KLRG1: variants seen among roughly 807,000 people sequenced by gnomAD.
The protein encoded by KLRG1 is killer cell lectin like receptor G1, also known as killer cell lectin-like receptor subfamily G member 1.
In KLRG1, 16 loss-of-function variants were observed where a neutral mutation model predicts 21.8. The observed-to-expected ratio is 0.73, with a 90% CI of 0.50 to 1.11. The LOEUF is 1.11. Among genes scored for constraint, KLRG1 ranks in the 50% most tolerant of loss-of-function variants. The pLI is 0.00. For synonymous variants in KLRG1, 69 were observed against 75.9 expected, an observed-to-expected ratio of 0.91 and a Z score of 0.47; for missense variants, 173 against 218.3, an observed-to-expected ratio of 0.79 and a Z score of 1.31.
chr12:9,031,625 A>G, the KLRG1 span, among the ~76,000 whole-genome samples: 30 of 152,302 alleles, frequency 2.0e-4, no homozygotes, highest in African/African-American at 6.5e-4. Flanking sequence ...ATGAGTGACC[A>G]TGGCCCACGA....
intron 2 of KLRG1, among the ~76,000 whole-genome samples, chr12:8,993,755 T>C: frequency 6.6e-6 from 1 of 152,218 alleles, no homozygotes; most frequent in Non-Finnish European, 1.5e-5. Flanking sequence ...TTTAACAGCT[T>C]GATCTCCAGA....
chr12:8,965,282 A>C (rs987521268), intron 1 of KLRG1, among the ~76,000 whole-genome samples: 2 of 152,230 alleles, frequency 1.3e-5, no homozygotes, highest in Non-Finnish European at 2.9e-5. Flanking sequence ...GGCACAAGAC[A>C]GGGATGCCCT....
At chr12:9,200,821 C>T in the KLRG1 span, 1 of 1,472,806 alleles carries the variant, frequency 6.8e-7, no homozygotes, top group Non-Finnish European at 9.2e-7. Context: ...ACAGGAAATT[C>T]AAAGGATCTA....
chr12:9,175,361 T>A, the KLRG1 span, among the ~76,000 whole-genome samples: 1 of 152,024 alleles, frequency 6.6e-6, no homozygotes, highest in Non-Finnish European at 1.5e-5. Context: ...TAAAGACCCT[T>A]GAAGAAAATC....
chr12:8,981,822 A>G (rs1194056948), intron 1 of KLRG1, among the ~76,000 whole-genome samples: 1 of 152,186 alleles, frequency 6.6e-6, no homozygotes, highest in Non-Finnish European at 1.5e-5. Context: ...AGTTACTGAG[A>G]AAAGGTTTTT....
At chr12:9,168,390 G>A in the KLRG1 span, 1 of 152,518 alleles carries the variant, frequency 6.6e-6, no homozygotes, top group African/African-American at 2.4e-5. Flanking sequence ...ACCTGGTGAT[G>A]GGACAGATGT....
chr12:8,992,403 C>A, intron 2 of KLRG1, 93 bp downstream of exon 2: 2 of 873,416 alleles, frequency 2.3e-6, no homozygotes, highest in Non-Finnish European at 3.6e-6. Flanking sequence ...AAAAATAATT[C>A]AAACAAAATA....
chr12:9,208,311 G>A, the KLRG1 span: 9 of 1,613,568 alleles, frequency 5.6e-6, 1 homozygote, highest in African/African-American at 1.2e-4. Context: ...AGTAGCACAA[G>A]ACATAAATGA....
chr12:9,076,035 C>T, the KLRG1 span, among the ~76,000 whole-genome samples: 57,484 of 151,992 alleles, frequency 0.38, 11,608 homozygotes, highest in African/African-American at 0.49. Flanking sequence ...TCTTCAACCG[C>T]TCATATAGAC....
chr12:9,169,804 T>C, the KLRG1 span: 12 of 418,416 alleles, frequency 2.9e-5, no homozygotes, highest in South Asian at 2.6e-4. Flanking sequence ...TTCCAAAGAT[T>C]AACAAAATCT....
At chr12:8,968,305 A>C (rs745401222) in intron 1 of KLRG1, among the ~76,000 whole-genome samples, 1 of 152,234 alleles carries the variant, frequency 6.6e-6, no homozygotes, top group East Asian at 1.9e-4. Context: ...TGGAGTGCCT[A>C]TCTTAATCAG....
the KLRG1 span, among the ~76,000 whole-genome samples, chr12:9,143,872 G>GA: frequency 6.6e-6 from 1 of 152,228 alleles, no homozygotes; most frequent in African/African-American, 2.4e-5. Flanking sequence ...GGACTGGTAA[G>GA]AAGAAGCCTA....
At chr12:8,986,112 C>A (rs993402179), upstream of KLRG1, among the ~76,000 whole-genome samples, 1 of 152,154 alleles carries the variant, frequency 6.6e-6, no homozygotes, top group African/African-American at 2.4e-5. Flanking sequence ...TATAATACCA[C>A]CCTGGGGTTA....
the KLRG1 span, chr12:9,109,212 T>C: frequency 6.5e-6 from 5 of 764,662 alleles, no homozygotes; most frequent in Non-Finnish European, 1.1e-5. Flanking sequence ...GTCAAAGCAC[T>C]TAAAATTTTT....
At chr12:9,067,676 G>C in the KLRG1 span, 1 of 750,190 alleles carries the variant, frequency 1.3e-6, no homozygotes, top group Non-Finnish European at 2.4e-6. Context: ...AATGTACAAT[G>C]ATATTTATTG....
the KLRG1 span, among the ~76,000 whole-genome samples, chr12:9,132,654 A>G: frequency 6.7e-6 from 1 of 149,348 alleles, no homozygotes; most frequent in Non-Finnish European, 1.5e-5. Context: ...GGCCCAAAGT[A>G]AGATTACAAC....
chr12:9,025,073 C>A, the KLRG1 span, among the ~76,000 whole-genome samples: 1 of 152,038 alleles, frequency 6.6e-6, no homozygotes, highest in Non-Finnish European at 1.5e-5. Context: ...GGAGAGTATT[C>A]AATGGAAATG....
chr12:8,969,498 A>G (rs751405055), intron 1 of KLRG1, among the ~76,000 whole-genome samples: 21 of 152,072 alleles, frequency 1.4e-4, no homozygotes, highest in Non-Finnish European at 2.8e-4. Flanking sequence ...AGCAGGTGAA[A>G]GTGTGGAACT....
the KLRG1 span, chr12:9,168,559 G>T: frequency 4.1e-6 from 1 of 245,282 alleles, no homozygotes; most frequent in Admixed American, 5.4e-5. Context: ...CCCTATGAAT[G>T]TCTTTCCTGT....
Sources: allele counts gnomAD v4.1 joint callset (sites outside exome capture counted in the v4.1 genomes callset), GRCh38; gene constraint gnomAD v4.1.1; transcripts MANE v1.5; gene names NCBI Gene and HGNC (gene_info 2026-07-23, HGNC 2026-07-21).